Variants in LPAR1 observed in about 807,000 individuals in gnomAD.
The protein encoded by LPAR1 is lysophosphatidic acid receptor 1.
Under a neutral mutation model 23.8 loss-of-function variants are expected in LPAR1, and 5 were observed. The ratio of observed to expected loss-of-function variants is 0.21; its 90% CI spans 0.11 to 0.44. The LOEUF (loss-of-function observed/expected upper bound fraction) is 0.44. Ranked by LOEUF, LPAR1 falls within the 20% of genes least tolerant of loss-of-function variation. The probability of loss-of-function intolerance (pLI) is 0.99; values close to 1 mark genes in which losing one functional copy is unlikely to be tolerated. For synonymous variants in LPAR1, 160 were observed against 164.7 expected, an observed-to-expected ratio of 0.97 and a Z score of 0.22; for missense variants, 311 against 482.8, an observed-to-expected ratio of 0.64 and a Z score of 3.33.
intron 2 of LPAR1, among the ~76,000 whole-genome samples, chr9:111,019,609 G>A (rs1316597626): frequency 6.6e-6 from 1 of 151,952 alleles, no homozygotes; most frequent in Non-Finnish European, 1.5e-5. Context: ...AGGCCGAGGC[G>A]GGCAGATCAC....
intron 4 of LPAR1, among the ~76,000 whole-genome samples, chr9:110,961,756 G>T (rs1289857831): frequency 6.6e-6 from 1 of 152,054 alleles, no homozygotes; most frequent in Non-Finnish European, 1.5e-5. Flanking sequence ...CCGCAGGCAA[G>T]AGAGTGTGTA....
chr9:110,945,929 T>A (rs2095361852), intron 4 of LPAR1, among the ~76,000 whole-genome samples: 5 of 152,090 alleles, frequency 3.3e-5, no homozygotes, highest in Admixed American at 1.3e-4. Flanking sequence ...TAGGAGAAAC[T>A]CCCCATCTCA....
At chr9:110,969,300 C>T (rs1247706641) in intron 4 of LPAR1, among the ~76,000 whole-genome samples, 1 of 152,068 alleles carries the variant, frequency 6.6e-6, no homozygotes, top group East Asian at 1.9e-4. Flanking sequence ...AATACACAGT[C>T]TTGTTTTAGA....
chr9:110,952,078 T>G (rs528631786), intron 4 of LPAR1, among the ~76,000 whole-genome samples: 33 of 152,148 alleles, frequency 2.2e-4, no homozygotes, highest in Non-Finnish European at 3.8e-4. Context: ...AGCAAGTAGA[T>G]AGTCACACTT....
chr9:110,986,936 T>A (rs2096794603), intron 2 of LPAR1, among the ~76,000 whole-genome samples: 1 of 151,226 alleles, frequency 6.6e-6, no homozygotes, highest in Non-Finnish European at 1.5e-5. Context: ...GAAAGATGGT[T>A]TTCTGATGTG....
At chr9:111,033,270 A>T in intron 2 of LPAR1, among the ~76,000 whole-genome samples, 1 of 152,224 alleles carries the variant, frequency 6.6e-6, no homozygotes, top group Admixed American at 6.5e-5. Flanking sequence ...TAATACAACA[A>T]CAACACTACT....
At chr9:111,013,647 C>G (rs1283340839) in intron 2 of LPAR1, among the ~76,000 whole-genome samples, 1 of 152,020 alleles carries the variant, frequency 6.6e-6, no homozygotes, top group African/African-American at 2.4e-5. Flanking sequence ...TGTTAGATGG[C>G]ATTTTTCAGA....
intron 2 of LPAR1, among the ~76,000 whole-genome samples, chr9:111,028,875 G>T (rs1277636356): frequency 6.6e-6 from 1 of 151,956 alleles, no homozygotes; most frequent in East Asian, 1.9e-4. Flanking sequence ...ACTTCCCCCA[G>T]ACGTCAAATC....
chr9:111,028,115 C>A (rs1190859482), intron 2 of LPAR1, among the ~76,000 whole-genome samples: 4 of 151,556 alleles, frequency 2.6e-5, no homozygotes, highest in African/African-American at 9.7e-5. Context: ...AAGAAATTAT[C>A]CCAAAATGGA....
At chr9:110,962,925 G>GA (rs1027299298) in intron 4 of LPAR1, among the ~76,000 whole-genome samples, 10 of 152,116 alleles carry the variant, frequency 6.6e-5, no homozygotes, top group African/African-American at 2.2e-4. Context: ...TTCTCAGGTG[G>GA]AAAAAAACAG....
chr9:110,990,341 C>G (rs1038307802), intron 2 of LPAR1, among the ~76,000 whole-genome samples: 7 of 152,206 alleles, frequency 4.6e-5, no homozygotes, highest in Admixed American at 4.6e-4. Flanking sequence ...AGACCATATT[C>G]TGGGCCATAA....
intron 3 of LPAR1, among the ~76,000 whole-genome samples, chr9:110,972,609 A>G (rs1047344263): frequency 3.7e-4 from 56 of 152,074 alleles, no homozygotes; most frequent in Admixed American, 2.0e-3. Flanking sequence ...AACCACCCCC[A>G]CTTATCTGAG....
rs2093596661 is a variant in LPAR1, at chr9:110,921,070, A to C, written c.793+20351T>G. 2.0e-5 allele frequency among the ~76,000 whole-genome samples: 3 copies of C among 152,118 alleles called. No homozygotes were observed. The South Asian group carries it at 6.2e-4, about 32-fold the overall frequency. The stretch of plus-strand genomic sequence containing the variant: ...AGAATCCCTTGAGCCCAGGAGTTTG[A>C]AGCTGCAGTAAGCAAGGATCGCTAC... On this transcript the variant is annotated intron_variant, in intron 5 of 5. Coordinates refer to ENST00000683809, the MANE Select transcript of LPAR1 (RefSeq NM_001351411.2).
chr9:110,875,774 A>T, intron 5 of LPAR1, 52 bp from the exon 6 acceptor site: 1 of 1,025,680 alleles, frequency 9.7e-7, no homozygotes, highest in South Asian at 2.4e-5. Context: ...AGAATGAAAA[A>T]ATATTATAAA....
At chr9:110,907,916 A>AACACACACACACACACACAC (rs35043548) in intron 5 of LPAR1, among the ~76,000 whole-genome samples, 2 of 139,714 alleles carry the variant, frequency 1.4e-5, no homozygotes, top group African/African-American at 5.3e-5. Flanking sequence ...CCTTTGACAA[A>AACACACACACACACACACAC]ACACACACAC....
chr9:110,941,917 C>A lies in LPAR1; in HGVS notation c.297G>T (p.Gly99=), dbSNP rs746804258. The part of the protein sequence containing the change: ...ANLAAADFFA[G]LAYFYLMFNT... ...TGAACATGAGATAGAAGTAGGCCAACCCAGCAAAGAAGTCTGCAGCAGCCA... is the reference window on the plus strand; with the variant it reads ...TGAACATGAGATAGAAGTAGGCCAAACCAGCAAAGAAGTCTGCAGCAGCCA... Residue 99 remains glycine, a synonymous_variant, in exon 5 of 6, where the codon GGG becomes GGT. Transcript: ENST00000683809. This position sits in a 1 kb window ranked among gnomAD's most constrained non-coding sequence, Gnocchi z 6.1. 1.9e-6 allele frequency: 3 copies of A among 1,614,138 alleles called. No homozygotes were observed. In the South Asian group the frequency reaches 3.3e-5, roughly 18 times the overall value.
intron 2 of LPAR1, among the ~76,000 whole-genome samples, chr9:111,006,401 T>C (rs762406920): frequency 1.3e-5 from 2 of 152,158 alleles, no homozygotes; most frequent in Non-Finnish European, 2.9e-5. Flanking sequence ...GGTTAAGCAT[T>C]ATAATTAACT....
intron 5 of LPAR1, among the ~76,000 whole-genome samples, chr9:110,906,133 C>G (rs2091153231): frequency 6.6e-6 from 1 of 152,106 alleles, no homozygotes; most frequent in Non-Finnish European, 1.5e-5. Flanking sequence ...ACGTCAAGTT[C>G]TATGGACAAG....
chr9:110,959,631 A>G (rs1456135592), intron 4 of LPAR1, among the ~76,000 whole-genome samples: 2 of 152,116 alleles, frequency 1.3e-5, no homozygotes, highest in African/African-American at 2.4e-5. Context: ...AAACAAACAA[A>G]AAAATAAACA....
Sources: gnomAD v4.1 joint callset for allele counts (sites outside exome capture counted in the v4.1 genomes callset) on GRCh38, gnomAD v4.1.1 for gene constraint, Gnocchi (gnomAD v3.1) non-coding constraint, MANE v1.5 for transcripts, NCBI Gene and HGNC (gene_info 2026-07-23, HGNC 2026-07-21) for gene names.